COL23A1: variants seen among roughly 807,000 people sequenced by gnomAD.
COL23A1 encodes collagen alpha-1(XXIII) chain.
COL23A1 carries 97 observed loss-of-function variants against 99.3 expected under a neutral mutation model. That is an observed-to-expected ratio of 0.98 (90% CI 0.83 to 1.16). The LOEUF is 1.16. Among genes scored for constraint, COL23A1 ranks in the 50% most tolerant of loss-of-function variants. The pLI is 0.00. For synonymous variants in COL23A1, 320 were observed against 308.2 expected (o/e 1.04, Z -0.40); for missense variants, 762 against 757.4 (o/e 1.01, Z -0.07).
chr5:178,246,502 A>G (rs1764704421), intron 22 of COL23A1, 49 bp from the exon 23 acceptor site: 2 of 1,535,734 alleles, frequency 1.3e-6, no homozygotes, highest in Non-Finnish European at 1.8e-6. Flanking sequence ...TTAGACAGAC[A>G]GTAGGACAGG....
Position 178,255,169 on chromosome 5 carries a change from G to A in COL23A1, c.883-143C>T. On this transcript the variant is annotated intron_variant, in intron 15 of 28. Transcript: ENST00000390654. This position sits in a 1 kb window ranked among gnomAD's most constrained non-coding sequence, Gnocchi z 4.2. ...GGCTGCACGCATGCCCCTCCCCAGG[G>A]TGGATGGAGGGAACGGGAGGCAGGC... is the stretch of plus-strand genomic sequence containing the variant. 5 of 685,650 alleles carry A rather than the reference G, an allele frequency of 7.3e-6. No individual in the cohort carries two copies. The highest frequency in any genetic ancestry group is 5.0e-5 in the South Asian group (3 of 59,732). 42.5% of individuals were successfully genotyped at this position (685,650 alleles called of 1,614,324 possible). A position where few individuals can be genotyped will look rare whatever the true frequency, so the allele number is the denominator to read the frequency against.
At chr5:178,245,848 G>A (rs908484689) in intron 25 of COL23A1, 94 bp downstream of exon 25, 1 of 1,441,098 alleles carries the variant, frequency 6.9e-7, no homozygotes, top group Non-Finnish European at 9.7e-7. Flanking sequence ...GGGGAAAGGG[G>A]TCACACTTGA....
At chr5:178,301,139 G>T (rs1042896894) in intron 3 of COL23A1, among the ~76,000 whole-genome samples, 9 of 151,940 alleles carry the variant, frequency 5.9e-5, no homozygotes. Context: ...CTGTTCCTTA[G>T]GCTGGATGAT....
At chr5:178,257,416 G>A in intron 13 of COL23A1, 107 bp downstream of exon 13, 1 of 1,329,086 alleles carries the variant, frequency 7.5e-7, no homozygotes, top group Non-Finnish European at 1.1e-6. Flanking sequence ...CTGGGCACTG[G>A]CCTAGGAACC....
chr5:178,425,470 A>T (rs1030678091), intron 2 of COL23A1, among the ~76,000 whole-genome samples: 6 of 146,246 alleles, frequency 4.1e-5, no homozygotes, highest in Non-Finnish European at 7.6e-5. Context: ...AATAAATAAA[A>T]ATAAAATAAA....
At chr5:178,250,417 T>C (rs978626979) in intron 17 of COL23A1, among the ~76,000 whole-genome samples, 2 of 152,206 alleles carry the variant, frequency 1.3e-5, no homozygotes, top group African/African-American at 4.8e-5. Context: ...TTCAAAGTTG[T>C]TGGCTCTTTC....
chr5:178,448,387 G>A (rs1033767869), intron 2 of COL23A1, among the ~76,000 whole-genome samples: 23 of 140,270 alleles, frequency 1.6e-4, no homozygotes, highest in African/African-American at 4.8e-4. Flanking sequence ...GTCGCAGTCC[G>A]TTTTGTTCTG....
chr5:178,245,327 T>G, intron 25 of COL23A1, among the ~76,000 whole-genome samples: 1 of 146,306 alleles, frequency 6.8e-6, no homozygotes, highest in South Asian at 2.3e-4. Context: ...CATCCATCCA[T>G]CCATCCATCC....
In COL23A1 at chr5:178,261,724, T is replaced by G; in HGVS notation, c.700A>C (p.Lys234Gln). 6.2e-7 allele frequency: 1 copy of G among 1,609,388 alleles called. No individual in the cohort carries two copies. The highest frequency in any genetic ancestry group is 8.5e-7 in the Non-Finnish European group (1 of 1,175,710). The change falls in exon 11 of 29, where the codon AAG becomes CAG. Residue 234 changes from lysine to glutamine, a missense_variant and splice_region_variant. Physicochemically the swap from Lys to Gln is moderately conservative, Grantham distance 53. Coordinates refer to ENST00000390654, the MANE Select transcript of COL23A1 (RefSeq NM_173465.4). ...CATGGGGAATAAGGAGTACTCACCT[T>G]GGGCCCTGGGGGTCCCTTTGGGCCC... is the stretch of plus-strand genomic sequence containing the variant. ...EMGPKGPPGP[K>Q]GEPGVPGKKG...
At position 178,585,404 on chromosome 5, in the gene COL23A1, GTGTGGGTAACACTCCACA is replaced by G. The variant is rs1562114414; in HGVS notation, c.294+4482_294+4499del. Among the ~76,000 whole-genome samples the G allele has an allele frequency of 2.7e-3, 369 of 139,204 alleles. 6 individuals are homozygous for G. Among genetic ancestry groups the G allele is most frequent in the Middle Eastern group, 7.5e-3 (2 of 268 alleles). The allele number at this position is 139,204 out of a possible 152,430, so 91.3% of individuals were successfully genotyped here. A position where few individuals can be genotyped will look rare whatever the true frequency, so the allele number is the denominator to read the frequency against. ...GTAACACTCCGCGGCCCTGACTGATGTGTGGGTAACACTCCACAGCCCTGGTTGACACTGGGGTAACAC... is the reference window on the plus strand; with the variant it reads ...GTAACACTCCGCGGCCCTGACTGATGGCCCTGGTTGACACTGGGGTAACAC... On this transcript the variant is annotated intron_variant, in intron 1 of 28. Transcript: ENST00000390654.
At chr5:178,569,681 A>G (rs1275532784) in intron 1 of COL23A1, among the ~76,000 whole-genome samples, 1 of 152,210 alleles carries the variant, frequency 6.6e-6, no homozygotes, top group Non-Finnish European at 1.5e-5. Context: ...TCAATGAGTC[A>G]GCTGGGGGTT....
At chr5:178,447,204 C>T (rs570227983) in intron 2 of COL23A1, among the ~76,000 whole-genome samples, 70 of 152,186 alleles carry the variant, frequency 4.6e-4, no homozygotes, top group African/African-American at 1.6e-3. Flanking sequence ...AGCGACTCTC[C>T]TGCCTCAGCC....
chr5:178,577,884 A>G (rs916697417), intron 1 of COL23A1, among the ~76,000 whole-genome samples: 1 of 152,228 alleles, frequency 6.6e-6, no homozygotes, highest in Admixed American at 6.5e-5. Flanking sequence ...CCACTGCATG[A>G]GCCGTCAGGG....
chr5:178,418,638 C>T (rs1289673111), intron 2 of COL23A1, among the ~76,000 whole-genome samples: 1 of 150,266 alleles, frequency 6.7e-6, no homozygotes, highest in East Asian at 1.9e-4. Flanking sequence ...CTCCCAGCCC[C>T]ACAGTGACCC....
At chr5:178,573,682 G>C (rs1333741261) in intron 1 of COL23A1, among the ~76,000 whole-genome samples, 1 of 151,938 alleles carries the variant, frequency 6.6e-6, no homozygotes, top group Non-Finnish European at 1.5e-5. Context: ...ACCCAATACT[G>C]GAAACAACTC....
At chr5:178,427,836 T>C (rs1327565971) in intron 2 of COL23A1, among the ~76,000 whole-genome samples, 1 of 151,972 alleles carries the variant, frequency 6.6e-6, no homozygotes, top group Admixed American at 6.6e-5. Context: ...CACGGGGGAT[T>C]TGGGGGACAG....
chr5:178,571,046 C>T (rs114708348), intron 1 of COL23A1, among the ~76,000 whole-genome samples: 1 of 152,026 alleles, frequency 6.6e-6, no homozygotes, highest in African/African-American at 2.4e-5. Flanking sequence ...GGCCAGTAAA[C>T]CTCATAATCC....
Position 178,365,145 on chromosome 5 carries a change from GTGT to G in COL23A1, c.362-58229_362-58227del, listed in dbSNP as rs1762398778. The stretch of plus-strand genomic sequence containing the variant: ...GATGTTGCTGTGTGTGCGTGTGTGT[GTGT>G]GTGTGTGTGTGTGTGTGTGTGTGAT... On this transcript the variant is annotated intron_variant, in intron 2 of 28. Coordinates refer to ENST00000390654, the MANE Select transcript of COL23A1 (RefSeq NM_173465.4). This position sits in a 1 kb window ranked among gnomAD's most constrained non-coding sequence, Gnocchi z 5.2. Among the ~76,000 whole-genome samples, 1 of 147,918 alleles carries G rather than the reference GTGT, an allele frequency of 6.8e-6. No individual in the cohort carries two copies. The highest frequency in any genetic ancestry group is 1.5e-5 in the Non-Finnish European group (1 of 67,744).
intron 1 of COL23A1, among the ~76,000 whole-genome samples, chr5:178,573,279 G>A (rs1442019472): frequency 6.6e-6 from 1 of 152,240 alleles, no homozygotes; most frequent in Admixed American, 6.5e-5. Flanking sequence ...GGGTGGTAGA[G>A]TGTGTGTCCT....
Sources: allele counts gnomAD v4.1 joint callset (sites outside exome capture counted in the v4.1 genomes callset), GRCh38; gene constraint gnomAD v4.1.1; non-coding constraint Gnocchi (gnomAD v3.1); transcripts MANE v1.5; gene names NCBI Gene and HGNC (gene_info 2026-07-23, HGNC 2026-07-21).